ERBIN: variants seen among roughly 807,000 people sequenced by gnomAD.
The protein encoded by ERBIN is densin-180-like protein.
A neutral mutation model predicts 158.4 loss-of-function variants in ERBIN; 60 were observed. That is an observed-to-expected ratio of 0.38 (90% CI 0.31 to 0.47). ERBIN has a LOEUF of 0.47. Among genes scored for constraint, ERBIN ranks in the 20% least tolerant of loss-of-function variants. ERBIN has a pLI of 0.99. For missense variants in ERBIN, 1,610 were observed against 1,648.0 expected, an observed-to-expected ratio of 0.98 and a Z score of 0.40; for synonymous variants, 594 against 557.2, an observed-to-expected ratio of 1.07 and a Z score of -0.93.
At position 66,043,111 on chromosome 5, in the gene ERBIN, T is replaced by G. The variant is rs1214282211; in HGVS notation, c.1341T>G (p.Pro447=). The G allele has an allele frequency of 3.1e-6, 5 of 1,609,848 alleles. No homozygotes were observed. The highest frequency in any genetic ancestry group is 4.3e-6 in the Non-Finnish European group (5 of 1,176,306). ...TATCAGATAATGAAAGTTTTAACCC[T>G]TCATTGTGGGAGGAACAGAGGAAAC... ...MFISDNESFN[P]SLWEEQRKQR... is the part of the protein sequence containing the mutation. The change falls in exon 16 of 26, where the codon CCT becomes CCG. Residue 447 remains proline, a synonymous_variant. Coordinates refer to ENST00000284037, the MANE Select transcript of ERBIN (RefSeq NM_001253697.2).
chr5:66,014,182 G>T (rs1322720870), intron 6 of ERBIN, among the ~76,000 whole-genome samples: 2 of 152,100 alleles, frequency 1.3e-5, no homozygotes, highest in South Asian at 2.1e-4. Flanking sequence ...AATCATTGAT[G>T]TACTTGTCAG....
At chr5:66,072,108 T>G in intron 21 of ERBIN, 61 bp from the exon 22 acceptor site, 1 of 1,510,750 alleles carries the variant, frequency 6.6e-7, no homozygotes, top group Non-Finnish European at 8.9e-7. Flanking sequence ...TCAAGTGTCA[T>G]CCTCTTGGTT....
In ERBIN at chr5:65,992,690, T is replaced by G. The variant is rs750377587; in HGVS notation, c.-9-20T>G. 1 of 1,544,178 alleles carries G rather than the reference T, an allele frequency of 6.5e-7. No individual in the cohort carries two copies. The highest frequency in any genetic ancestry group is 8.7e-7 in the Non-Finnish European group (1 of 1,145,108). ...TTGTAATATGTATGTTTTAAATTTC[T>G]TTTTATTCGAATATTGCAGTGTCTA... is the stretch of plus-strand genomic sequence containing the variant. On this transcript the variant is annotated intron_variant, in intron 2 of 25. Transcript: ENST00000284037.
chr5:65,934,020 C>A (rs1010976913), intron 1 of ERBIN, among the ~76,000 whole-genome samples: 1 of 152,116 alleles, frequency 6.6e-6, no homozygotes, highest in Admixed American at 6.5e-5. Context: ...CCTCAGCCTC[C>A]CAAGTAGCTG....
At chr5:65,946,949 C>A (rs1251812854) in intron 1 of ERBIN, among the ~76,000 whole-genome samples, 1 of 151,108 alleles carries the variant, frequency 6.6e-6, no homozygotes, top group Admixed American at 6.6e-5. Flanking sequence ...TGCCCATTTT[C>A]TAACTGGATT....
intron 1 of ERBIN, among the ~76,000 whole-genome samples, chr5:65,955,176 A>G (rs1746952857): frequency 6.6e-6 from 1 of 152,070 alleles, no homozygotes; most frequent in Admixed American, 6.6e-5. Context: ...AATGCCAACC[A>G]TTTTTTTTCT....
chr5:66,073,070 G>A (rs898796554), intron 22 of ERBIN, among the ~76,000 whole-genome samples: 69 of 151,978 alleles, frequency 4.5e-4, no homozygotes, highest in African/African-American at 1.5e-3. Context: ...CATATATTTT[G>A]TGGCTTAGGG....
At chr5:66,052,300 TAAG>T (rs1759122225) in intron 20 of ERBIN, among the ~76,000 whole-genome samples, 1 of 152,278 alleles carries the variant, frequency 6.6e-6, no homozygotes, top group East Asian at 1.9e-4. Context: ...CAGGCATATT[TAAG>T]TAAAATTTGT....
At chr5:66,078,206 C>T (rs1762191316) in intron 25 of ERBIN, among the ~76,000 whole-genome samples, 1 of 152,134 alleles carries the variant, frequency 6.6e-6, no homozygotes, top group Admixed American at 6.6e-5. Context: ...CATTGGGCTG[C>T]TACATAAGAA....
At chr5:66,033,485 T>A (rs1056175258) in intron 14 of ERBIN, among the ~76,000 whole-genome samples, 4 of 152,172 alleles carry the variant, frequency 2.6e-5, no homozygotes, top group Admixed American at 1.3e-4. Flanking sequence ...AAGGAAGAGT[T>A]AAGACTGGCC....
intron 1 of ERBIN, among the ~76,000 whole-genome samples, chr5:65,983,265 A>G (rs1195062468): frequency 2.0e-5 from 3 of 152,188 alleles, no homozygotes; most frequent in Non-Finnish European, 4.4e-5. Flanking sequence ...TTCTAGTTAT[A>G]AGTATGATCT....
chr5:65,937,284 T>C (rs188202033), intron 1 of ERBIN, among the ~76,000 whole-genome samples: 1 of 152,346 alleles, frequency 6.6e-6, no homozygotes, highest in Admixed American at 6.5e-5. Context: ...GCACCAAGAT[T>C]ATAAAAGTAA....
intron 1 of ERBIN, among the ~76,000 whole-genome samples, chr5:65,949,584 G>T (rs1158190654): frequency 6.6e-6 from 1 of 152,146 alleles, no homozygotes; most frequent in Non-Finnish European, 1.5e-5. Context: ...ATTAGTTGTC[G>T]TTTAGAAAAA....
intron 21 of ERBIN, among the ~76,000 whole-genome samples, chr5:66,063,335 G>A (rs1235736346): frequency 6.6e-6 from 1 of 152,210 alleles, no homozygotes. Context: ...AGGACCCTCC[G>A]AGCCAGTTGC....
intron 18 of ERBIN, among the ~76,000 whole-genome samples, chr5:66,048,027 A>G (rs938582029): frequency 6.6e-6 from 1 of 151,896 alleles, no homozygotes; most frequent in Non-Finnish European, 1.5e-5. Flanking sequence ...AGAAGGGGGC[A>G]TTTCACCTGT....
intron 14 of ERBIN, among the ~76,000 whole-genome samples, chr5:66,032,259 T>C (rs1756966246): frequency 6.6e-6 from 1 of 152,154 alleles, no homozygotes; most frequent in Admixed American, 6.5e-5. Context: ...GCAAATAAGA[T>C]TTTTTAAAAT....
intron 21 of ERBIN, among the ~76,000 whole-genome samples, chr5:66,064,313 T>A (rs1760768754): frequency 6.6e-6 from 1 of 152,236 alleles, no homozygotes; most frequent in East Asian, 1.9e-4. Flanking sequence ...GAACATTTGA[T>A]AATAAAGTAT....
chr5:66,059,881 A>G (rs2151261101), intron 21 of ERBIN, among the ~76,000 whole-genome samples: 1 of 152,318 alleles, frequency 6.6e-6, no homozygotes. Context: ...CATCCCAGGG[A>G]TGAAGCCCAC....
In ERBIN at chr5:65,956,444, T is replaced by G. The variant is rs183390795; in HGVS notation, c.-58+29638T>G. On this transcript the variant is annotated intron_variant, in intron 1 of 25. Transcript: ENST00000284037. ...GCTGGAGTGCAGTGGCGGTGTGATC[T>G]CGGCTCACTGCAACCTTTGCCTCTC... Among the ~76,000 whole-genome samples the G allele has an allele frequency of 1.6e-3, 231 of 146,964 alleles. 1 individual carries two copies. The highest frequency in any genetic ancestry group is 5.6e-3 in the African/African-American group (223 of 39,554).
Sources: gnomAD v4.1 joint callset for allele counts (sites outside exome capture counted in the v4.1 genomes callset) on GRCh38, gnomAD v4.1.1 for gene constraint, MANE v1.5 for transcripts, NCBI Gene and HGNC (gene_info 2026-07-23, HGNC 2026-07-21) for gene names.